The following CLIP4 variants were observed in gnomAD, a reference collection of about 807,000 sequenced individuals.
CLIP4 encodes the protein CAP-Gly domain-containing linker protein 4.
Under a neutral mutation model 73.1 loss-of-function variants are expected in CLIP4, and 47 were observed. The ratio of observed to expected loss-of-function variants is 0.64; its 90% CI spans 0.51 to 0.82. The LOEUF is 0.82. Ranked by LOEUF, CLIP4 falls within the 40% of genes least tolerant of loss-of-function variation. The pLI, the probability that CLIP4 is intolerant of heterozygous loss-of-function variation, is 0.00. For missense variants in CLIP4, 874 were observed against 852.9 expected, an observed-to-expected ratio of 1.02 and a Z score of -0.31; for synonymous variants, 306 against 295.4, an observed-to-expected ratio of 1.04 and a Z score of -0.37.
intron 12 of CLIP4, among the ~76,000 whole-genome samples, chr2:29,162,922 A>G (rs942910767): frequency 6.6e-6 from 1 of 152,140 alleles, no homozygotes; most frequent in Non-Finnish European, 1.5e-5. Flanking sequence ...GTAATTTGTA[A>G]TAAGTTTCTT....
At chr2:29,163,785 T>G in intron 12 of CLIP4, 46 bp from the exon 13 acceptor site, 1 of 1,564,054 alleles carries the variant, frequency 6.4e-7, no homozygotes, top group Non-Finnish European at 8.6e-7. Context: ...CATAAGAGTT[T>G]TGGATAAAGT....
rs1290359133 is a variant in CLIP4, at chr2:29,183,302, T to C, written c.*1409T>C. 1 of 152,656 alleles carries C rather than the reference T, an allele frequency of 6.6e-6. No homozygotes were observed. Among genetic ancestry groups the C allele is most frequent in the Non-Finnish European group, 1.5e-5 (1 of 68,028 alleles). The allele number at this position is 152,656 out of a possible 1,614,324, so 9.5% of individuals were successfully genotyped here. On this transcript the variant is annotated 3_prime_UTR_variant, in exon 16 of 16. Coordinates refer to ENST00000320081, the MANE Select transcript of CLIP4 (RefSeq NM_024692.6). ...TAATATGTTGAACTATTTTGCAATA[T>C]ACTATTTTAAATCTAAATTCTGTCA...
intron 4 of CLIP4, among the ~76,000 whole-genome samples, chr2:29,133,298 T>C (rs1665110787): frequency 1.3e-5 from 2 of 152,242 alleles, no homozygotes; most frequent in African/African-American, 4.8e-5. Flanking sequence ...AATTTGGGAC[T>C]GCCAGTGGTC....
chr2:29,166,703 C>T (rs759553011), intron 13 of CLIP4, among the ~76,000 whole-genome samples: 4 of 152,182 alleles, frequency 2.6e-5, no homozygotes, highest in Non-Finnish European at 5.9e-5. Flanking sequence ...TATCCATTCT[C>T]TTCATAAAAT....
At chr2:29,105,799 A>T (rs1488057957) in intron 1 of CLIP4, among the ~76,000 whole-genome samples, 1 of 152,192 alleles carries the variant, frequency 6.6e-6, no homozygotes, top group Non-Finnish European at 1.5e-5. Context: ...TACACTGAAA[A>T]ATGGCTGTCT....
chr2:29,178,898 G>T (rs573909350), intron 15 of CLIP4, among the ~76,000 whole-genome samples: 98 of 152,236 alleles, frequency 6.4e-4, no homozygotes, highest in Non-Finnish European at 1.1e-3. Flanking sequence ...GAGTTCAAGC[G>T]ATTATCATGC....
chr2:29,180,066 G>A (rs1032857649), intron 15 of CLIP4, among the ~76,000 whole-genome samples: 1 of 152,142 alleles, frequency 6.6e-6, no homozygotes, highest in South Asian at 2.1e-4. Flanking sequence ...TATGAAATAA[G>A]TAAGACCCAG....
chr2:29,158,797 G>A (rs566393636), intron 11 of CLIP4, among the ~76,000 whole-genome samples: 3 of 152,312 alleles, frequency 2.0e-5, no homozygotes, highest in African/African-American at 7.2e-5. Context: ...TAAAGACAAG[G>A]TCTTGCTGTG....
chr2:29,145,310 G>A lies in CLIP4; in HGVS notation c.964G>A (p.Gly322Arg). Residue 322 changes from glycine (G) to arginine (R), a missense_variant, in exon 8 of 16, where the codon GGA becomes AGA. Transcript: ENST00000320081. ...WAGIELDEPE[G>R]KNNGSVGKVQ... Reference sequence around the variant, plus strand: ...TGGCATTGAACTGGATGAACCAGAAGGAAAAAATAATGGAAGTGTTGGAAA... The same window carrying A: ...TGGCATTGAACTGGATGAACCAGAAAGAAAAAATAATGGAAGTGTTGGAAA... 4 of 1,613,130 alleles carry A rather than the reference G, an allele frequency of 2.5e-6. No homozygotes were observed. The highest frequency in any genetic ancestry group is 1.1e-5 in the South Asian group (1 of 90,988).
intron 6 of CLIP4, among the ~76,000 whole-genome samples, chr2:29,142,020 G>A (rs1002256529): frequency 6.6e-6 from 1 of 152,232 alleles, no homozygotes; most frequent in Admixed American, 6.5e-5. Context: ...ATATAGAAAT[G>A]TGAAGTTTTG....
Position 29,137,751 on chromosome 2 carries a change from G to A in CLIP4, c.648+2085G>A, listed in dbSNP as rs536700030. ...TAGTCTCTCATTGTGGTGTTGATTA[G>A]CATTTCTCTGATGATTAGTGACGTT... On this transcript the variant is annotated intron_variant, in intron 6 of 15. Coordinates refer to ENST00000320081, the MANE Select transcript of CLIP4 (RefSeq NM_024692.6). Among the ~76,000 whole-genome samples the A allele has an allele frequency of 3.3e-5, 5 of 152,058 alleles. No individual in the cohort carries two copies. In the South Asian group the frequency reaches 8.3e-4, roughly 25 times the overall value.
At chr2:29,177,017 G>A (rs1031804802) in intron 15 of CLIP4, among the ~76,000 whole-genome samples, 52 of 152,170 alleles carry the variant, frequency 3.4e-4, no homozygotes, top group African/African-American at 1.2e-3. Flanking sequence ...AGACCTACAC[G>A]ATTGGCTCTT....
At chr2:29,177,161 C>T (rs1558589049) in intron 15 of CLIP4, among the ~76,000 whole-genome samples, 1 of 152,022 alleles carries the variant, frequency 6.6e-6, no homozygotes, top group Non-Finnish European at 1.5e-5. Context: ...ATAATCTCAA[C>T]ACTTTGGGAG....
In CLIP4 at chr2:29,143,961, G is replaced by A. The variant is rs1665969613; in HGVS notation, c.885+16G>A. On this transcript the variant is annotated intron_variant, in intron 7 of 15. Transcript: ENST00000320081. ...AGGACAGAAGGTACAGTAAGTAACT[G>A]CAATCTCTGAAGCCAGGGTTGTTAT... 6.2e-7 allele frequency: 1 copy of A among 1,603,122 alleles called. No homozygotes were observed. Among genetic ancestry groups the A allele is most frequent in the Non-Finnish European group, 8.5e-7 (1 of 1,170,068 alleles).
intron 13 of CLIP4, among the ~76,000 whole-genome samples, chr2:29,166,039 A>G (rs897088506): frequency 1.3e-5 from 2 of 151,548 alleles, no homozygotes; most frequent in Admixed American, 6.6e-5. Context: ...TCTTCCTGTC[A>G]TCTTCTGATT....
intron 14 of CLIP4, among the ~76,000 whole-genome samples, chr2:29,168,089 C>T (rs1667746160): frequency 6.6e-6 from 1 of 152,188 alleles, no homozygotes; most frequent in Non-Finnish European, 1.5e-5. Flanking sequence ...CATACTCTAT[C>T]TGCCATGGAC....
At chr2:29,147,721 T>C (rs1411730050) in intron 8 of CLIP4, among the ~76,000 whole-genome samples, 1 of 152,120 alleles carries the variant, frequency 6.6e-6, no homozygotes, top group Non-Finnish European at 1.5e-5. Flanking sequence ...TCCTCTCTTT[T>C]AGCTTTTTCA....
In CLIP4 at chr2:29,181,802, C is replaced by A; in HGVS notation, c.2027C>A (p.Thr676Asn). The A allele has an allele frequency of 6.2e-7, 1 of 1,614,180 alleles. No individual in the cohort carries two copies. Among genetic ancestry groups the A allele is most frequent in the Non-Finnish European group, 8.5e-7 (1 of 1,180,024 alleles). Reference sequence around the variant, plus strand: ...TCAGTGGGTGACAAGCGCTATTTCACCTGTAAGCCGAACCATGGAGTCTTA... The same window carrying A: ...TCAGTGGGTGACAAGCGCTATTTCAACTGTAAGCCGAACCATGGAGTCTTA... ...DGSVGDKRYF[T>N]CKPNHGVLVR... Residue 676 changes from threonine to asparagine, a missense_variant, in exon 16 of 16, where the codon ACC becomes AAC. Physicochemically the swap from Thr to Asn is moderately conservative, Grantham distance 65. Coordinates refer to ENST00000320081, the MANE Select transcript of CLIP4 (RefSeq NM_024692.6).
intron 15 of CLIP4, among the ~76,000 whole-genome samples, chr2:29,178,511 G>T (rs2148118408): frequency 6.6e-6 from 1 of 152,236 alleles, no homozygotes; most frequent in East Asian, 1.9e-4. Flanking sequence ...AAAGGGAGAT[G>T]AATCATATTC....
Sources: allele counts gnomAD v4.1 joint callset (sites outside exome capture counted in the v4.1 genomes callset), GRCh38; gene constraint gnomAD v4.1.1; transcripts MANE v1.5; gene names NCBI Gene and HGNC (gene_info 2026-07-23, HGNC 2026-07-21).